The following PRDM16 variants were observed in gnomAD, a reference collection of about 807,000 sequenced individuals.
PRDM16 encodes histone-lysine N-methyltransferase PRDM16.
Under a neutral mutation model 110.6 loss-of-function variants are expected in PRDM16, and 23 were observed. The ratio of observed to expected loss-of-function variants is 0.21; its 90% CI spans 0.15 to 0.29. The LOEUF (loss-of-function observed/expected upper bound fraction) is 0.29. Ranked by LOEUF, PRDM16 falls within the 10% of genes least tolerant of loss-of-function variation. The pLI, the probability that PRDM16 is intolerant of heterozygous loss-of-function variation, is 1.00. For missense variants in PRDM16, 1,615 were observed against 1,794.3 expected, an observed-to-expected ratio of 0.90 and a Z score of 1.81; for synonymous variants, 799 against 781.8, an observed-to-expected ratio of 1.02 and a Z score of -0.37.
intron 10 of PRDM16, among the ~76,000 whole-genome samples, chr1:3,415,273 C>T (rs1643759706): frequency 6.6e-6 from 1 of 152,228 alleles, no homozygotes; most frequent in Non-Finnish European, 1.5e-5. Flanking sequence ...AGAGTCTTCC[C>T]GACCTCCTGT....
intron 3 of PRDM16, among the ~76,000 whole-genome samples, chr1:3,275,420 C>T (rs1640560851): frequency 6.6e-6 from 1 of 152,234 alleles, no homozygotes; most frequent in Non-Finnish European, 1.5e-5. Context: ...CTGCCCACCC[C>T]TACCCCGCTG....
At position 3,388,216 on chromosome 1, in the gene PRDM16, G is replaced by A. The variant is rs114849182; in HGVS notation, c.573+2930G>A. On this transcript the variant is annotated intron_variant, in intron 4 of 16. Transcript: ENST00000270722. ...TCCACCAGGATTTCCTGGTACTTACGAACACCATCCCCACACACAAACACA... is the reference window on the plus strand; with the variant it reads ...TCCACCAGGATTTCCTGGTACTTACAAACACCATCCCCACACACAAACACA... Among the ~76,000 whole-genome samples, 1,025 of 152,088 alleles carry A rather than the reference G, an allele frequency of 6.7e-3. 12 individuals carry two copies. The highest frequency in any genetic ancestry group is 0.023 in the African/African-American group (961 of 41,464).
chr1:3,333,246 G>T (rs184913189), intron 3 of PRDM16, among the ~76,000 whole-genome samples: 150 of 152,298 alleles, frequency 9.8e-4, no homozygotes, highest in African/African-American at 3.4e-3. Context: ...CCTCGTGGGG[G>T]TGAAGGAGGC....
At chr1:3,430,678 G>A (rs556118275) in intron 14 of PRDM16, among the ~76,000 whole-genome samples, 194 bp from the exon 15 acceptor site, 229 of 152,306 alleles carry the variant, frequency 1.5e-3, no homozygotes, top group African/African-American at 5.2e-3. Flanking sequence ...TCCCGGGATC[G>A]CCCCCAGGCC....
At chr1:3,399,336 C>A (rs935897682) in intron 5 of PRDM16, among the ~76,000 whole-genome samples, 2 of 152,196 alleles carry the variant, frequency 1.3e-5, no homozygotes, top group Non-Finnish European at 2.9e-5. Context: ...AGGACATGTT[C>A]TTTCAGCATT....
intron 1 of PRDM16, among the ~76,000 whole-genome samples, chr1:3,141,246 C>A (rs375408695): frequency 6.6e-6 from 1 of 152,198 alleles, no homozygotes; most frequent in East Asian, 1.9e-4. Context: ...CTCCTTCTGC[C>A]GTGATGAATG....
chr1:3,133,315 G>A (rs1643372050), intron 1 of PRDM16: 1 of 152,346 alleles, frequency 6.6e-6, no homozygotes, highest in African/African-American at 2.4e-5. Flanking sequence ...GACTCTCCCA[G>A]GGCGAGGGAG....
intron 7 of PRDM16, 66 bp from the exon 8 acceptor site, chr1:3,405,429 C>A: frequency 6.7e-7 from 1 of 1,484,678 alleles, no homozygotes; most frequent in Non-Finnish European, 9.0e-7. Context: ...GGTTGGTCCG[C>A]CAGCCAGAAC....
chr1:3,323,093 AG>A (rs1641799390), intron 3 of PRDM16, among the ~76,000 whole-genome samples: 1 of 152,140 alleles, frequency 6.6e-6, no homozygotes, highest in Non-Finnish European at 1.5e-5. Flanking sequence ...GCCTGTCGCT[AG>A]TGTACTGTGT....
At chr1:3,088,608 A>G (rs1167037469) in intron 1 of PRDM16, among the ~76,000 whole-genome samples, 5 of 150,158 alleles carry the variant, frequency 3.3e-5, no homozygotes, top group Admixed American at 3.3e-4. Context: ...TGGGACTACA[A>G]GCACCTGCCA....
chr1:3,278,976 G>A (rs6657917), intron 3 of PRDM16, among the ~76,000 whole-genome samples: 30,858 of 152,214 alleles, frequency 0.2, 4,098 homozygotes, highest in African/African-American at 0.35. Flanking sequence ...TGCCGAGCGC[G>A]GCGCTGGCCG....
chr1:3,204,154 C>G (rs752653987), intron 2 of PRDM16, among the ~76,000 whole-genome samples: 1 of 152,186 alleles, frequency 6.6e-6, no homozygotes, highest in South Asian at 2.1e-4. Flanking sequence ...TTAGCCAATT[C>G]CAGTATTTTC....
In PRDM16 at chr1:3,412,618, C is replaced by T. The variant is rs549044743; in HGVS notation, c.2421C>T (p.Ile807=). 3.5e-5 allele frequency: 55 copies of T among 1,589,096 alleles called. No individual in the cohort carries two copies. In the East Asian group the frequency reaches 8.0e-4, roughly 23 times the overall value. The part of the protein sequence containing the change: ...SGEEQPLDLS[I]GSRARASQNG... ...AGGAGCAGCCGCTGGACCTGAGCAT[C>T]GGCAGCCGGGCCCGTGCCAGCCAAA... Residue 807 remains isoleucine, a synonymous_variant, in exon 9 of 17, where the codon ATC becomes ATT. Transcript: ENST00000270722.
intron 4 of PRDM16, among the ~76,000 whole-genome samples, chr1:3,394,666 G>A (rs1643358092): frequency 6.6e-6 from 1 of 152,180 alleles, no homozygotes; most frequent in African/African-American, 2.4e-5. Flanking sequence ...AGCCAGGCCG[G>A]GCAGTCACTC....
At chr1:3,283,370 C>T (rs760512519) in intron 3 of PRDM16, among the ~76,000 whole-genome samples, 1 of 152,194 alleles carries the variant, frequency 6.6e-6, no homozygotes, top group African/African-American at 2.4e-5. Flanking sequence ...TCCAATGCCC[C>T]TCCCTCTGTC....
rs200947814 is a variant in PRDM16 at position 3,412,478 on chromosome 1, G to A, written c.2281G>A (p.Ala761Thr). 4.8e-4 allele frequency: 774 copies of A among 1,613,086 alleles called. No homozygotes were observed. Among genetic ancestry groups the A allele is most frequent in the Non-Finnish European group, 5.9e-4 (692 of 1,179,942 alleles). The change falls in exon 9 of 17, where the codon GCC becomes ACC. Residue 761 changes from alanine (A) to threonine (T), a missense_variant. Coordinates refer to ENST00000270722, the MANE Select transcript of PRDM16 (RefSeq NM_022114.4). ...GGCCGAGCCAAAGTCACCCCGGGACGCCCTCAAGGTGGGCGGCCCCAGTGC... is the reference window on the plus strand; with the variant it reads ...GGCCGAGCCAAAGTCACCCCGGGACACCCTCAAGGTGGGCGGCCCCAGTGC... Reference protein sequence around the residue: ...VKAEPKSPRDALKVGGPSAEC... With the variant: ...VKAEPKSPRDTLKVGGPSAEC...
Position 3,411,517 on chromosome 1 carries a change from G to C in PRDM16, c.1320G>C (p.Lys440Asn). ...QMFSTTSSLN[K>N]HRRFCEGKNH... ...TCAGCACTACCTCCTCCCTCAACAA[G>C]CACCGGCGCTTCTGCGAGGGCAAGA... is the stretch of plus-strand genomic sequence containing the variant. The change falls in exon 9 of 17, where the codon AAG (lysine) becomes AAC (asparagine). Residue 440 changes from lysine to asparagine, a missense_variant. This residue lies in a region of PRDM16 where 772 missense variants were observed against 748.3 expected (regional missense o/e 1.03). Transcript: ENST00000270722. The C allele has an allele frequency of 6.2e-7, 1 of 1,614,180 alleles. No individual in the cohort carries two copies. Among genetic ancestry groups the C allele is most frequent in the Non-Finnish European group, 8.5e-7 (1 of 1,180,032 alleles).
At chr1:3,354,132 T>C (rs1642547031) in intron 3 of PRDM16, among the ~76,000 whole-genome samples, 1 of 152,204 alleles carries the variant, frequency 6.6e-6, no homozygotes, top group Non-Finnish European at 1.5e-5. Context: ...TGGTGGATTC[T>C]GGACTGCAGA....
At chr1:3,421,649 G>A (rs1638433526) in intron 12 of PRDM16, among the ~76,000 whole-genome samples, 2 of 152,224 alleles carry the variant, frequency 1.3e-5, no homozygotes, top group South Asian at 4.1e-4. Flanking sequence ...GCACAGCCCT[G>A]TTCGTGGCTC....
Sources: allele counts gnomAD v4.1 joint callset (sites outside exome capture counted in the v4.1 genomes callset), GRCh38; gene constraint gnomAD v4.1.1; regional missense constraint gnomAD v4.1.1; transcripts MANE v1.5; gene names NCBI Gene and HGNC (gene_info 2026-07-23, HGNC 2026-07-21).